The following PKD1L1 variants were observed in gnomAD, a reference collection of about 807,000 sequenced individuals.
PKD1L1 encodes polycystin-1-like protein 1.
PKD1L1 carries 236 observed loss-of-function variants against 323.4 expected under a neutral mutation model. The observed-to-expected ratio is 0.73, with a 90% CI of 0.66 to 0.81. The LOEUF (loss-of-function observed/expected upper bound fraction) is 0.81, where lower values mean the gene tolerates loss of function less well. Among genes scored for constraint, PKD1L1 ranks in the 40% least tolerant of loss-of-function variants. PKD1L1 has a pLI of 0.00. For synonymous variants in PKD1L1, 1,344 were observed against 1,335.0 expected (o/e 1.01, Z -0.15); for missense variants, 3,320 against 3,508.0 (o/e 0.95, Z 1.35).
At chr7:47,952,896 T>C (rs926216142), upstream of PKD1L1, among the ~76,000 whole-genome samples, 2 of 152,184 alleles carry the variant, frequency 1.3e-5, no homozygotes, top group African/African-American at 2.4e-5. Context: ...CTCTCTTCTG[T>C]AGTTTTCCGT....
At chr7:47,903,829 C>T (rs1402402580) in intron 12 of PKD1L1, among the ~76,000 whole-genome samples, 1 of 152,196 alleles carries the variant, frequency 6.6e-6, no homozygotes, top group African/African-American at 2.4e-5. Context: ...ATGAGTGATC[C>T]AGCCAGTCTG....
intron 14 of PKD1L1, among the ~76,000 whole-genome samples, chr7:47,896,329 C>CAAAAAA (rs34061319): frequency 4.3e-5 from 2 of 46,876 alleles, no homozygotes; most frequent in Admixed American, 2.3e-4. Flanking sequence ...GACCCTGTCT[C>CAAAAAA]AAAAAAAAAA....
At chr7:47,791,476 T>TTC (rs1786947253) in intron 56 of PKD1L1, among the ~76,000 whole-genome samples, 1 of 130,692 alleles carries the variant, frequency 7.7e-6, no homozygotes, top group Non-Finnish European at 1.7e-5. Flanking sequence ...TTTTTTTTTT[T>TTC]TCATTAACTT....
In PKD1L1 at chr7:47,839,394, G is replaced by A; in HGVS notation, c.5769+52C>T. The A allele has an allele frequency of 6.8e-7, 1 of 1,462,298 alleles. No homozygotes were observed. Among genetic ancestry groups the A allele is most frequent in the South Asian group, 1.2e-5 (1 of 80,502 alleles). The allele number at this position is 1,462,298 out of a possible 1,614,324, so 90.6% of individuals were successfully genotyped here. On this transcript the variant is annotated intron_variant, in intron 36 of 56. Coordinates refer to ENST00000289672, the MANE Select transcript of PKD1L1 (RefSeq NM_138295.5). The surrounding 1 kb of genome is among the most constrained non-coding windows in gnomAD (Gnocchi z 4.3). ...CAAGCGAAGCAGAGACAGGTGCCAT[G>A]CTCTGCCGGTCAGCCAGGTGCGCCA...
chr7:47,841,085 A>G (rs1169321854), intron 34 of PKD1L1, among the ~76,000 whole-genome samples: 2 of 152,242 alleles, frequency 1.3e-5, no homozygotes, highest in Non-Finnish European at 2.9e-5. Context: ...ATTTTCATTT[A>G]AGAAAGATAT....
chr7:47,937,238 G>A (rs754626166), intron 3 of PKD1L1, among the ~76,000 whole-genome samples: 13 of 135,804 alleles, frequency 9.6e-5, no homozygotes, highest in Non-Finnish European at 1.3e-4. Context: ...GGATTCGTGC[G>A]GGGTCGGGAC....
chr7:47,935,295 A>G (rs1435723706), intron 4 of PKD1L1, among the ~76,000 whole-genome samples: 1 of 152,216 alleles, frequency 6.6e-6, no homozygotes, highest in African/African-American at 2.4e-5. Context: ...GGATGTGCCA[A>G]TCTACCCAGT....
intron 24 of PKD1L1, among the ~76,000 whole-genome samples, chr7:47,873,379 T>G (rs1030214526): frequency 1.4e-4 from 22 of 152,118 alleles, no homozygotes; most frequent in African/African-American, 5.3e-4. Flanking sequence ...CTGGGCGCGG[T>G]GGCTCACACC....
intron 21 of PKD1L1, among the ~76,000 whole-genome samples, chr7:47,880,280 ATATATT>A (rs1386966092): frequency 2.8e-5 from 2 of 71,554 alleles, no homozygotes; most frequent in Admixed American, 1.4e-4. Context: ...ATATATATAT[ATATATT>A]TTTTTTTTTT....
At chr7:47,888,604 C>T (rs1583650753) in intron 16 of PKD1L1, among the ~76,000 whole-genome samples, 2 of 152,250 alleles carry the variant, frequency 1.3e-5, no homozygotes, top group Non-Finnish European at 2.9e-5. Flanking sequence ...TCCCCGTGGC[C>T]GTCCACCTTT....
chr7:47,816,084 T>G (rs1457137641), intron 46 of PKD1L1, among the ~76,000 whole-genome samples: 1 of 152,132 alleles, frequency 6.6e-6, no homozygotes, highest in Non-Finnish European at 1.5e-5. Context: ...GCGCCGGGGC[T>G]AGGGTAAACA....
At chr7:47,959,922 T>C in the PKD1L1 span, among the ~76,000 whole-genome samples, 1 of 151,046 alleles carries the variant, frequency 6.6e-6, no homozygotes, top group Non-Finnish European at 1.5e-5. Context: ...TTTTGTGGAA[T>C]AGAAAGGGGG....
chr7:47,902,374 C>A lies in PKD1L1; in HGVS notation c.2064+5G>T. On this transcript the variant is annotated splice_donor_5th_base_variant and intron_variant, in intron 13 of 56. Coordinates refer to ENST00000289672, the MANE Select transcript of PKD1L1 (RefSeq NM_138295.5). The stretch of plus-strand genomic sequence containing the variant: ...GGTGGAGGATTTCCCAGACTCCGAG[C>A]CTACCTGGACTTTCCCAGGCCCCAT... The A allele has an allele frequency of 6.2e-7, 1 of 1,613,404 alleles. No homozygotes were observed. Among genetic ancestry groups the A allele is most frequent in the Non-Finnish European group, 8.5e-7 (1 of 1,179,804 alleles).
intron 8 of PKD1L1, among the ~76,000 whole-genome samples, chr7:47,913,829 G>T (rs1012767966): frequency 1.3e-5 from 2 of 151,880 alleles, no homozygotes; most frequent in Non-Finnish European, 2.9e-5. Context: ...ATAAGTAGCA[G>T]AAAAAAAGGT....
the PKD1L1 span, among the ~76,000 whole-genome samples, chr7:47,958,647 C>T: frequency 9.2e-5 from 14 of 152,264 alleles, no homozygotes; most frequent in East Asian, 7.7e-4. Flanking sequence ...GATAGTGAAG[C>T]GACAACCTAT....
chr7:47,932,444 C>T lies in PKD1L1; in HGVS notation c.399-388G>A, dbSNP rs112265359. On this transcript the variant is annotated intron_variant, in intron 4 of 56. Transcript: ENST00000289672. Reference sequence around the variant, plus strand: ...TGGTGCAGTGACTGAGGGGGCACCGCGGAAGGCCTGGTGGTAACTACTTGC... The same window carrying T: ...TGGTGCAGTGACTGAGGGGGCACCGTGGAAGGCCTGGTGGTAACTACTTGC... 6.8e-3 allele frequency among the ~76,000 whole-genome samples: 1,032 copies of T among 152,310 alleles called. 12 individuals are homozygous for T. Among genetic ancestry groups the T allele is most frequent in the African/African-American group, 0.023 (972 of 41,574 alleles).
chr7:47,937,803 T>G (rs114813684), intron 3 of PKD1L1, among the ~76,000 whole-genome samples: 1 of 151,404 alleles, frequency 6.6e-6, no homozygotes, highest in African/African-American at 2.4e-5. Context: ...AGAGCTTAGG[T>G]GGGGTGGGGG....
intron 54 of PKD1L1, among the ~76,000 whole-genome samples, chr7:47,796,871 G>C (rs1169513264): frequency 1.3e-5 from 2 of 151,204 alleles, no homozygotes; most frequent in Admixed American, 1.3e-4. Context: ...GTGGTGGTGG[G>C]CACCTGTAGT....
At chr7:47,913,984 A>C (rs947056804) in intron 8 of PKD1L1, among the ~76,000 whole-genome samples, 1 of 152,228 alleles carries the variant, frequency 6.6e-6, no homozygotes, top group African/African-American at 2.4e-5. Flanking sequence ...TTAACAAAGC[A>C]ATTAAGAAAG....
Sources: allele counts gnomAD v4.1 joint callset (sites outside exome capture counted in the v4.1 genomes callset), GRCh38; gene constraint gnomAD v4.1.1; non-coding constraint Gnocchi (gnomAD v3.1); transcripts MANE v1.5; gene names NCBI Gene and HGNC (gene_info 2026-07-23, HGNC 2026-07-21).